Variants in GCGR observed in about 807,000 individuals in gnomAD.
GCGR encodes the protein glucagon receptor.
GCGR carries 41 observed loss-of-function variants against 56.1 expected under a neutral mutation model. The ratio of observed to expected loss-of-function variants is 0.73; its 90% CI spans 0.57 to 0.95. The LOEUF (loss-of-function observed/expected upper bound fraction) is 0.95, where lower values mean the gene tolerates loss of function less well. Ranked by LOEUF, GCGR falls within the 40% of genes least tolerant of loss-of-function variation. The pLI, the probability that GCGR is intolerant of heterozygous loss-of-function variation, is 0.00. For missense variants in GCGR, 595 were observed against 638.2 expected, an observed-to-expected ratio of 0.93 and a Z score of 0.73; for synonymous variants, 278 against 271.1, an observed-to-expected ratio of 1.03 and a Z score of -0.25.
In GCGR at chr17:81,812,619, G is replaced by C; in HGVS notation, c.991G>C (p.Ala331Pro). Residue 331 changes from alanine (A) to proline (P), a missense_variant, in exon 11 of 14, where the codon GCC (alanine) becomes CCC (proline). Transcript: ENST00000400723. The surrounding 1 kb of genome is among the most constrained non-coding windows in gnomAD (Gnocchi z 8.5). Reference protein sequence around the residue: ...IFVRIVQLLVAKLRARQMHHT... With the variant: ...IFVRIVQLLVPKLRARQMHHT... The stretch of plus-strand genomic sequence containing the variant: ...CGTCCGCATCGTTCAGCTGCTCGTG[G>C]CCAAGCTGCGGGCACGGCAGATGCA... 6.5e-7 allele frequency: 1 copy of C among 1,536,484 alleles called. No individual in the cohort carries two copies. Among genetic ancestry groups the C allele is most frequent in the South Asian group, 1.2e-5 (1 of 84,042 alleles).
chr17:81,811,747 C>A lies in GCGR; in HGVS notation c.754C>A (p.Leu252Met). ...LLVEGLYLHN[L>M]LGLATLPERS... ...GGTGGAGGGCCTGTACCTGCACAACCTGCTGGGCCTGGCCACCCTCCCCGA... is the reference window on the plus strand; with the variant it reads ...GGTGGAGGGCCTGTACCTGCACAACATGCTGGGCCTGGCCACCCTCCCCGA... Residue 252 changes from leucine (L) to methionine (M), a missense_variant, in exon 8 of 14, where the codon CTG (leucine) becomes ATG (methionine). By Grantham distance (15) the Leu-to-Met change is conservative. Coordinates refer to ENST00000400723, the MANE Select transcript of GCGR (RefSeq NM_000160.5). This position sits in a 1 kb window ranked among gnomAD's most constrained non-coding sequence, Gnocchi z 5.8. 1 of 1,541,682 alleles carries A rather than the reference C, an allele frequency of 6.5e-7. No individual in the cohort carries two copies. The highest frequency in any genetic ancestry group is 8.7e-7 in the Non-Finnish European group (1 of 1,149,856).
In GCGR at chr17:81,811,128, C is replaced by G; in HGVS notation, c.390C>G (p.Val130=). 6.5e-7 allele frequency: 1 copy of G among 1,536,196 alleles called. No homozygotes were observed. Among genetic ancestry groups the G allele is most frequent in the Non-Finnish European group, 8.7e-7 (1 of 1,146,820 alleles). ...AGATGGATGGCGAGGAGATTGAGGT[C>G]CAGGTCAGTGGGCGGCAGGCAGGCG... is the stretch of plus-strand genomic sequence containing the variant. ...QCQMDGEEIE[V]QKEVAKMYSS... The change falls in exon 5 of 14, where the codon GTC becomes GTG. Residue 130 remains valine (V), a synonymous_variant. Transcript: ENST00000400723. The surrounding 1 kb of genome is among the most constrained non-coding windows in gnomAD (Gnocchi z 5.8).
At chr17:81,807,517 C>T (rs2037987980) in intron 1 of GCGR, among the ~76,000 whole-genome samples, 1 of 152,246 alleles carries the variant, frequency 6.6e-6, no homozygotes. Flanking sequence ...TGGCAGCCAG[C>T]AGTCCAGGCC....
Position 81,812,373 on chromosome 17 carries a change from G to A in GCGR, c.948+121G>A. 8.6e-7 allele frequency: 1 copy of A among 1,159,472 alleles called. No individual in the cohort carries two copies. Among genetic ancestry groups the A allele is most frequent in the Non-Finnish European group, 1.2e-6 (1 of 815,240 alleles). The allele number at this position is 1,159,472 out of a possible 1,614,324, so 71.8% of individuals were successfully genotyped here. ...CTGGGAGGGAGCCGGCACCCAGACA[G>A]GACACCAGGACACTGGCCAGCACCC... On this transcript the variant is annotated intron_variant, in intron 10 of 13. Transcript: ENST00000400723. This position sits in a 1 kb window ranked among gnomAD's most constrained non-coding sequence, Gnocchi z 8.5.
At position 81,813,474 on chromosome 17, in the gene GCGR, G is replaced by A. The variant is rs1253368710; in HGVS notation, c.1219G>A (p.Val407Met). ...AVLYCFLNKE[V>M]QSELRRRWHR... The stretch of plus-strand genomic sequence containing the variant: ...TGGCCTGCCCCGTCCCCCTCCCCAG[G>A]TGCAGTCGGAGCTGCGGCGGCGTTG... Residue 407 changes from valine (V) to methionine (M), a missense_variant and splice_region_variant, in exon 14 of 14, where the codon GTG (valine) becomes ATG (methionine). Coordinates refer to ENST00000400723, the MANE Select transcript of GCGR (RefSeq NM_000160.5). The surrounding 1 kb of genome is among the most constrained non-coding windows in gnomAD (Gnocchi z 5.3). 4 of 1,534,704 alleles carry A rather than the reference G, an allele frequency of 2.6e-6. No individual in the cohort carries two copies. The highest frequency in any genetic ancestry group is 2.0e-5 in the Admixed American group (1 of 50,984).
In GCGR at chr17:81,806,160, C is replaced by T. The variant is rs1028840685; in HGVS notation, c.-178+1911C>T. Among the ~76,000 whole-genome samples, 1 of 152,162 alleles carries T rather than the reference C, an allele frequency of 6.6e-6. No individual in the cohort carries two copies. The highest frequency in any genetic ancestry group is 1.5e-5 in the Non-Finnish European group (1 of 68,024). On this transcript the variant is annotated intron_variant, in intron 1 of 13. Transcript: ENST00000400723. The surrounding 1 kb of genome is among the most constrained non-coding windows in gnomAD (Gnocchi z 6.5). ...GCTCAGCTGGAAATTGGTCCCCCCC[C>T]GGCTCCACCCACCCCTGTTGGGGTG...
In GCGR at chr17:81,809,452, T is replaced by C. The variant is rs576460377; in HGVS notation, c.61-330T>C. Among the ~76,000 whole-genome samples, 12 of 145,186 alleles carry C rather than the reference T, an allele frequency of 8.3e-5. No homozygotes were observed. The East Asian group carries it at 8.5e-4, about 10-fold the overall frequency. On this transcript the variant is annotated intron_variant, in intron 2 of 13. Coordinates refer to ENST00000400723, the MANE Select transcript of GCGR (RefSeq NM_000160.5). ...CCGTCTGCCTGTCCGTCTGCCTGCC[T>C]GCCTGTCTGTCTGCCTGCCTGTCTG...
chr17:81,813,383 T>C lies in GCGR; in HGVS notation c.1219-91T>C, dbSNP rs2038144013. On this transcript the variant is annotated intron_variant, in intron 13 of 13. Coordinates refer to ENST00000400723, the MANE Select transcript of GCGR (RefSeq NM_000160.5). This position sits in a 1 kb window ranked among gnomAD's most constrained non-coding sequence, Gnocchi z 5.3. ...GCTCTGCACCCCTCAGAGCGGAGACTGGGCATCTCCGATGAGGCCCACAGC... is the reference window on the plus strand; with the variant it reads ...GCTCTGCACCCCTCAGAGCGGAGACCGGGCATCTCCGATGAGGCCCACAGC... 2.0e-5 allele frequency: 24 copies of C among 1,220,958 alleles called. 1 individual carries two copies. The South Asian group carries it at 3.0e-4, about 15-fold the overall frequency. 75.6% of individuals were successfully genotyped at this position (1,220,958 alleles called of 1,614,324 possible). A position where few individuals can be genotyped will look rare whatever the true frequency, so the allele number is the denominator to read the frequency against.
intron 2 of GCGR, among the ~76,000 whole-genome samples, chr17:81,809,383 C>T (rs914144566): frequency 1.4e-5 from 2 of 145,432 alleles, no homozygotes; most frequent in African/African-American, 5.1e-5. Flanking sequence ...TGTCTGCTGC[C>T]TGTCTGTCCG....
In GCGR at chr17:81,809,810, A is replaced by G. The variant is rs1480166504; in HGVS notation, c.89A>G (p.Asp30Gly). The change falls in exon 3 of 14, where the codon GAC (aspartate) becomes GGC (glycine). Residue 30 changes from aspartate (D) to glycine (G), a missense_variant. Physicochemically the swap from Asp to Gly is moderately conservative, Grantham distance 94 (BLOSUM62 -1). Coordinates refer to ENST00000400723, the MANE Select transcript of GCGR (RefSeq NM_000160.5). Reference sequence around the variant, plus strand: ...CAGGTCCCCTCCGCTCAGGTGATGGACTTCCTGTTTGAGAAGTGGAAGCTC... The same window carrying G: ...CAGGTCCCCTCCGCTCAGGTGATGGGCTTCCTGTTTGAGAAGTGGAAGCTC... ...QPQVPSAQVM[D>G]FLFEKWKLYG... is the part of the protein sequence containing the mutation. 1 of 1,536,510 alleles carries G rather than the reference A, an allele frequency of 6.5e-7. No individual in the cohort carries two copies.
intron 2 of GCGR, 112 bp from the exon 3 acceptor site, chr17:81,809,670 T>C (rs1398520192): frequency 1.3e-6 from 1 of 766,060 alleles, no homozygotes; most frequent in South Asian, 1.6e-5. Context: ...TGTCTGCCTG[T>C]CTGTCCATCT....
At position 81,806,793 on chromosome 17, in the gene GCGR, C is replaced by G. The variant is rs1011974746; in HGVS notation, c.-177-2049C>G. Among the ~76,000 whole-genome samples, 1 of 120,348 alleles carries G rather than the reference C, an allele frequency of 8.3e-6. No individual in the cohort carries two copies. Among genetic ancestry groups the G allele is most frequent in the Non-Finnish European group, 1.8e-5 (1 of 54,746 alleles). The allele number at this position is 120,348 out of a possible 152,430, so 79.0% of individuals were successfully genotyped here. ...CCCAGGGTGAGCACGCGTCCCCCCC[C>G]ACCCCCACTTCGAGGCGCCCAGGCA... On this transcript the variant is annotated intron_variant, in intron 1 of 13. Coordinates refer to ENST00000400723, the MANE Select transcript of GCGR (RefSeq NM_000160.5). The surrounding 1 kb of genome is among the most constrained non-coding windows in gnomAD (Gnocchi z 6.5).
At chr17:81,807,103 G>A (rs1280270992) in intron 1 of GCGR, among the ~76,000 whole-genome samples, 2 of 152,268 alleles carry the variant, frequency 1.3e-5, no homozygotes, top group East Asian at 3.9e-4. Context: ...TGTTTGATCA[G>A]GATCAGGGAA....
At position 81,812,234 on chromosome 17, in the gene GCGR, C is replaced by A; in HGVS notation, c.930C>A (p.Pro310=). The part of the protein sequence containing the change: ...NMGFWWILRF[P]VFLAILINFF... ...GCTTCTGGTGGATCCTGCGGTTCCCCGTCTTCCTGGCCATCCTGGTGAGGA... is the reference window on the plus strand; with the variant it reads ...GCTTCTGGTGGATCCTGCGGTTCCCAGTCTTCCTGGCCATCCTGGTGAGGA... The change falls in exon 10 of 14, where the codon CCC becomes CCA. Residue 310 remains proline, a synonymous_variant. Transcript: ENST00000400723. The surrounding 1 kb of genome is among the most constrained non-coding windows in gnomAD (Gnocchi z 8.5). 6.5e-7 allele frequency: 1 copy of A among 1,535,826 alleles called. No homozygotes were observed. Among genetic ancestry groups the A allele is most frequent in the Non-Finnish European group, 8.7e-7 (1 of 1,146,762 alleles).
In GCGR at chr17:81,810,514, C is replaced by A. The variant is rs776254484; in HGVS notation, c.164-311C>A. The A allele has an allele frequency of 3.7e-4, 182 of 495,272 alleles. No homozygotes were observed. Among genetic ancestry groups the A allele is most frequent in the South Asian group, 5.6e-4 (25 of 44,304 alleles). The allele number at this position is 495,272 out of a possible 1,614,324, so 30.7% of individuals were successfully genotyped here. A position where few individuals can be genotyped will look rare whatever the true frequency, so the allele number is the denominator to read the frequency against. On this transcript the variant is annotated intron_variant, in intron 3 of 13. Transcript: ENST00000400723. The surrounding 1 kb of genome is among the most constrained non-coding windows in gnomAD (Gnocchi z 4.6). ...AGAGAAGGTCACGGAGAATGGGGGACCCCAGTGTGGGTTTGGGGCACATTT... is the reference window on the plus strand; with the variant it reads ...AGAGAAGGTCACGGAGAATGGGGGAACCCAGTGTGGGTTTGGGGCACATTT...
intron 1 of GCGR, among the ~76,000 whole-genome samples, chr17:81,808,311 G>T (rs1419194336): frequency 6.6e-6 from 1 of 152,230 alleles, no homozygotes; most frequent in Non-Finnish European, 1.5e-5. Context: ...AGGATGGTGA[G>T]GAAGCAGCCG....
rs1382790287 is a variant in GCGR at position 81,812,769 on chromosome 17, G to A, written c.1038-38G>A. Reference sequence around the variant, plus strand: ...CTCCACGTGGATGGTGCGGGCCGAGGGTGGGGGCGGTGGGTGACTCAGGCG... The same window carrying A: ...CTCCACGTGGATGGTGCGGGCCGAGAGTGGGGGCGGTGGGTGACTCAGGCG... On this transcript the variant is annotated intron_variant, in intron 11 of 13. Transcript: ENST00000400723. This position sits in a 1 kb window ranked among gnomAD's most constrained non-coding sequence, Gnocchi z 8.5. 5.2e-6 allele frequency: 8 copies of A among 1,534,958 alleles called. No homozygotes were observed. The highest frequency in any genetic ancestry group is 7.0e-6 in the Non-Finnish European group (8 of 1,146,356).
chr17:81,809,334 A>G (rs372435043), intron 2 of GCGR, among the ~76,000 whole-genome samples: 26 of 111,390 alleles, frequency 2.3e-4, no homozygotes, highest in East Asian at 1.5e-3. Context: ...CTGCCTATCC[A>G]TCTGCCTGCC....
rs371636532 is a variant in GCGR, at chr17:81,811,113, C to A, written c.375C>A (p.Gly125=). ...WRDASQCQMD[G]EEIEVQKEVA... is the part of the protein sequence containing the mutation. ...ATGCCTCCCAGTGCCAGATGGATGG[C>A]GAGGAGATTGAGGTCCAGGTCAGTG... The change falls in exon 5 of 14, where the codon GGC becomes GGA. Residue 125 remains glycine, a synonymous_variant. Coordinates refer to ENST00000400723, the MANE Select transcript of GCGR (RefSeq NM_000160.5). The surrounding 1 kb of genome is among the most constrained non-coding windows in gnomAD (Gnocchi z 5.8). 1.3e-6 allele frequency: 2 copies of A among 1,536,182 alleles called. No individual in the cohort carries two copies. Among genetic ancestry groups the A allele is most frequent in the Non-Finnish European group, 1.7e-6 (2 of 1,146,804 alleles).
Sources: allele counts gnomAD v4.1 joint callset (sites outside exome capture counted in the v4.1 genomes callset), GRCh38; gene constraint gnomAD v4.1.1; non-coding constraint Gnocchi (gnomAD v3.1); transcripts MANE v1.5; gene names NCBI Gene and HGNC (gene_info 2026-07-23, HGNC 2026-07-21).